ZNF142: variants seen among roughly 807,000 people sequenced by gnomAD.
ZNF142 encodes zinc finger protein 142, also known as zinc finger protein 142 (clone pHZ-49).
In ZNF142, 96 loss-of-function variants were observed where a neutral mutation model predicts 132.1. The observed-to-expected ratio is 0.73, with a 90% confidence interval of 0.62 to 0.86. The LOEUF (loss-of-function observed/expected upper bound fraction) is 0.86, where lower values mean the gene tolerates loss of function less well. Among genes scored for constraint, ZNF142 ranks in the 40% least tolerant of loss-of-function variants. The pLI, the probability that ZNF142 is intolerant of heterozygous loss-of-function variation, is 0.00. For synonymous variants in ZNF142, 842 were observed against 890.1 expected, an observed-to-expected ratio of 0.95 and a Z score of 0.96; for missense variants, 2,163 against 2,336.2, an observed-to-expected ratio of 0.93 and a Z score of 1.53.
Position 218,635,657 on chromosome 2 carries a change from T to G in ZNF142, c.*2682A>C. The G allele has an allele frequency of 8.0e-7, 1 of 1,247,414 alleles. No homozygotes were observed. The highest frequency in any genetic ancestry group is 1.5e-5 in the African/African-American group (1 of 65,988). The allele number at this position is 1,247,414 out of a possible 1,614,324, so 77.3% of individuals were successfully genotyped here. A position where few individuals can be genotyped will look rare whatever the true frequency, so the allele number is the denominator to read the frequency against. On this transcript the variant is annotated 3_prime_UTR_variant, in exon 11 of 11. Coordinates refer to ENST00000411696, the MANE Select transcript of ZNF142 (RefSeq NM_001379659.1). The stretch of plus-strand genomic sequence containing the variant: ...CTTTGGGTGCATTTTAAATTGCAGA[T>G]AGAATACTAGAAGAAAATATATTAC...
At position 218,648,896 on chromosome 2, in the gene ZNF142, TGTG is replaced by T. The variant is rs762207774; in HGVS notation, c.1609_1611del (p.His537del). On this transcript the variant is annotated inframe_deletion, in exon 7 of 11. Transcript: ENST00000411696. ...GGGCAGTGGAAGGCGTAGTGACTCT[TGTG>T]GTGGGCCTCCATGGCTTCGGCTGTG... 29 of 1,614,034 alleles carry T rather than the reference TGTG, an allele frequency of 1.8e-5. No homozygotes were observed. Among genetic ancestry groups the T allele is most frequent in the South Asian group, 1.1e-5 (1 of 91,088 alleles).
At position 218,643,778 on chromosome 2, in the gene ZNF142, G is replaced by A; in HGVS notation, c.3338C>T (p.Pro1113Leu). The A allele has an allele frequency of 2.5e-6, 4 of 1,611,508 alleles. No individual in the cohort carries two copies. In the East Asian group the frequency reaches 8.9e-5, roughly 36 times the overall value. Residue 1113 changes from proline to leucine, a missense_variant, in exon 9 of 11, where the codon CCA becomes CTA. By Grantham distance (98) the Pro-to-Leu change is moderately conservative. Transcript: ENST00000411696. ...TGTGTCCTCTGAGGCCTGGGTACCTGGGAGCACAGGTTGCAGAGGGATGGG... is the reference window on the plus strand; with the variant it reads ...TGTGTCCTCTGAGGCCTGGGTACCTAGGAGCACAGGTTGCAGAGGGATGGG... ...DSPIPLQPVL[P>L]GTQASEDTES...
Position 218,638,307 on chromosome 2 carries a change from C to CT in ZNF142, c.*31_*32insA. On this transcript the variant is annotated 3_prime_UTR_variant, in exon 11 of 11. Coordinates refer to ENST00000411696, the MANE Select transcript of ZNF142 (RefSeq NM_001379659.1). The stretch of plus-strand genomic sequence containing the variant: ...CCCAGTCTGCACATCTCAGACCATA[C>CT]CCTCTTCCTATACAGGAGGTGGGGC... 1 of 1,485,644 alleles carries CT rather than the reference C, an allele frequency of 6.7e-7. No homozygotes were observed. Among genetic ancestry groups the CT allele is most frequent in the Non-Finnish European group, 9.0e-7 (1 of 1,117,176 alleles). The allele number at this position is 1,485,644 out of a possible 1,614,324, so 92.0% of individuals were successfully genotyped here.
In ZNF142 at chr2:218,643,349, C is replaced by T. The variant is rs1296541538; in HGVS notation, c.3767G>A (p.Gly1256Glu). The T allele has an allele frequency of 1.2e-6, 2 of 1,614,090 alleles. No individual in the cohort carries two copies. Among genetic ancestry groups the T allele is most frequent in the African/African-American group, 1.3e-5 (1 of 74,950 alleles). The change falls in exon 9 of 11, where the codon GGA becomes GAA. Residue 1256 changes from glycine to glutamate, a missense_variant. By Grantham distance (98) the Gly-to-Glu change is moderately conservative. This residue lies in a region of ZNF142 where 809 missense variants were observed against 801.7 expected (regional missense o/e 1.01). Coordinates refer to ENST00000411696, the MANE Select transcript of ZNF142 (RefSeq NM_001379659.1). The stretch of plus-strand genomic sequence containing the variant: ...GGTCTGGGGGGTCCCTCGTTTTCCT[C>T]CCCCGCCACGTCCCCCCCTGCAGCC... The part of the protein sequence containing the change: ...AEGCRGGRGG[G>E]GKRGTPQTQP...
At chr2:218,647,318 G>A (rs969824897) in intron 7 of ZNF142, among the ~76,000 whole-genome samples, 1 of 149,640 alleles carries the variant, frequency 6.7e-6, no homozygotes, top group African/African-American at 2.5e-5. Context: ...AGCTACTCGG[G>A]AGGCTGAGGC....
At chr2:218,638,834 T>C (rs762269183) in intron 10 of ZNF142, 26 bp from the exon 11 acceptor site, 14 of 1,547,400 alleles carry the variant, frequency 9.0e-6, no homozygotes, top group South Asian at 3.6e-5. Context: ...CAAATCACCA[T>C]TGAAAGGCGG....
Position 218,651,747 on chromosome 2 carries a change from T to C in ZNF142, c.834A>G (p.Gly278=). Reference sequence around the variant, plus strand: ...GAAGGCCCTGAACGGCAGAAAGTTCTCCCTGTGTCCCAGCACCATGGCTCC... The same window carrying C: ...GAAGGCCCTGAACGGCAGAAAGTTCCCCCTGTGTCCCAGCACCATGGCTCC... ...HQRSHGAGTQ[G]ELSAVQGLPS... is the part of the protein sequence containing the mutation. Residue 278 remains glycine (G), a synonymous_variant, in exon 5 of 11, where the codon GGA becomes GGG. Transcript: ENST00000411696. 7.8e-7 allele frequency: 1 copy of C among 1,289,728 alleles called. No individual in the cohort carries two copies. The allele number at this position is 1,289,728 out of a possible 1,614,324, so 79.9% of individuals were successfully genotyped here.
At chr2:218,647,436 G>C (rs1335317118) in intron 7 of ZNF142, among the ~76,000 whole-genome samples, 33 of 13,566 alleles carry the variant, frequency 2.4e-3, no homozygotes, top group Non-Finnish European at 3.1e-3. Flanking sequence ...AAAAAAAAAA[G>C]CCTCCTCCCC....
Position 218,648,813 on chromosome 2 carries a change from G to A in ZNF142, c.1695C>T (p.Gly565=). 1 of 1,614,182 alleles carries A rather than the reference G, an allele frequency of 6.2e-7. No individual in the cohort carries two copies. The highest frequency in any genetic ancestry group is 8.5e-7 in the Non-Finnish European group (1 of 1,180,018). Reference sequence around the variant, plus strand: ...AGCGCAGCTCTTCACTGCCAGGGTGGCCCTGCTTCTTGTGTTTACGGAATA... The same window carrying A: ...AGCGCAGCTCTTCACTGCCAGGGTGACCCTGCTTCTTGTGTTTACGGAATA... ...KHLFRKHKKQ[G]HPGSEELRCT... Residue 565 remains glycine, a synonymous_variant, in exon 7 of 11, where the codon GGC becomes GGT. Transcript: ENST00000411696.
At chr2:218,645,200 A>C in intron 8 of ZNF142, 136 bp from the exon 9 acceptor site, 1 of 1,121,184 alleles carries the variant, frequency 8.9e-7, no homozygotes, top group Non-Finnish European at 1.2e-6. Flanking sequence ...CCTCCTTTTC[A>C]CTACCCTATG....
Position 218,643,384 on chromosome 2 carries a change from G to T in ZNF142, c.3732C>A (p.His1244Gln). 6.2e-7 allele frequency: 1 copy of T among 1,614,196 alleles called. No homozygotes were observed. The highest frequency in any genetic ancestry group is 1.6e-4 in the Middle Eastern group (1 of 6,062). ...GTCCCCCCCTGCAGCCTTCAGCCAC[G>T]TGAGAGGTAATAGAGGAGAGCCGGG... Reference protein sequence around the residue: ...LCSRLSSITSHVAEGCRGGRG... With the variant: ...LCSRLSSITSQVAEGCRGGRG... The change falls in exon 9 of 11, where the codon CAC becomes CAA. Residue 1244 changes from histidine to glutamine, a missense_variant. Coordinates refer to ENST00000411696, the MANE Select transcript of ZNF142 (RefSeq NM_001379659.1).
Position 218,645,066 on chromosome 2 carries a change from T to C in ZNF142, c.2052-2A>G. 6.2e-7 allele frequency: 1 copy of C among 1,604,218 alleles called. No homozygotes were observed. The highest frequency in any genetic ancestry group is 1.7e-5 in the Admixed American group (1 of 59,892). Reference sequence around the variant, plus strand: ...TAGGAGCACTGGTTGCACTGATACCTGGCAAGGAGGGAAAGGGGGAGGCAA... The same window carrying C: ...TAGGAGCACTGGTTGCACTGATACCCGGCAAGGAGGGAAAGGGGGAGGCAA... On this transcript the variant is annotated splice_acceptor_variant, in intron 8 of 10. Transcript: ENST00000411696. LOFTEE classifies it high-confidence loss of function.
At position 218,645,104 on chromosome 2, in the gene ZNF142, A is replaced by T. The variant is rs533854283; in HGVS notation, c.2052-40T>A. 1.7e-5 allele frequency: 27 copies of T among 1,590,390 alleles called. No individual in the cohort carries two copies. In the Admixed American group the frequency reaches 3.5e-4, roughly 21 times the overall value. The stretch of plus-strand genomic sequence containing the variant: ...AAGGGGGAGGCAATCACAATAATTA[A>T]TCACAACAACTAAGAATCAGTCAGT... On this transcript the variant is annotated intron_variant, in intron 8 of 10. Transcript: ENST00000411696.
At position 218,652,119 on chromosome 2, in the gene ZNF142, C is replaced by A; in HGVS notation, c.462G>T (p.Leu154=). 2.2e-6 allele frequency: 1 copy of A among 448,014 alleles called. No homozygotes were observed. Among genetic ancestry groups the A allele is most frequent in the South Asian group, 1.6e-5 (1 of 63,444 alleles). The allele number at this position is 448,014 out of a possible 1,614,324, so 27.8% of individuals were successfully genotyped here. The change falls in exon 5 of 11, where the codon CTG becomes CTT. Residue 154 remains leucine, a synonymous_variant. Transcript: ENST00000411696. ...GGCTAACTGGCGGGCTCTGGCCCTG[C>A]AGAGGGCCAGGGAGGGTTGGGTTGC... ...PPSNPTLPGP[L]QGQSPPVSPL... is the part of the protein sequence containing the mutation.
chr2:218,653,847 T>A (rs994236198), intron 4 of ZNF142, among the ~76,000 whole-genome samples: 4 of 152,056 alleles, frequency 2.6e-5, no homozygotes, highest in African/African-American at 9.7e-5. Flanking sequence ...ATAAAAATAA[T>A]TTTTTTGGCT....
At chr2:218,658,292 C>T (rs1257716528) in intron 3 of ZNF142, among the ~76,000 whole-genome samples, 1 of 152,182 alleles carries the variant, frequency 6.6e-6, no homozygotes, top group African/African-American at 2.4e-5. Flanking sequence ...GTAATCCCAG[C>T]ACTTTGGGAG....
chr2:218,634,582 C>T lies in ZNF142; in HGVS notation c.*3757G>A, dbSNP rs776849115. On this transcript the variant is annotated 3_prime_UTR_variant, in exon 11 of 11. Coordinates refer to ENST00000411696, the MANE Select transcript of ZNF142 (RefSeq NM_001379659.1). This position sits in a 1 kb window ranked among gnomAD's most constrained non-coding sequence, Gnocchi z 4.0. The stretch of plus-strand genomic sequence containing the variant: ...TGCGTGATATCCAGAGTTCTTTCCA[C>T]CCTGAGAAGCCCATCAGCCCTTTCA... The T allele has an allele frequency of 1.9e-6, 3 of 1,614,042 alleles. No homozygotes were observed. Among genetic ancestry groups the T allele is most frequent in the Non-Finnish European group, 8.5e-7 (1 of 1,179,902 alleles).
At position 218,638,818 on chromosome 2, in the gene ZNF142, A is replaced by G. The variant is rs1347322448; in HGVS notation, c.5195-10T>C. 2.5e-6 allele frequency: 4 copies of G among 1,578,222 alleles called. No homozygotes were observed. In the Admixed American group the frequency reaches 5.2e-5, roughly 20 times the overall value. On this transcript the variant is annotated splice_polypyrimidine_tract_variant and intron_variant, in intron 10 of 10. Coordinates refer to ENST00000411696, the MANE Select transcript of ZNF142 (RefSeq NM_001379659.1). Reference sequence around the variant, plus strand: ...TGGTATGGCTTCAGTCCTACAGGACAGGGAACAAATCACCATTGAAAGGCG... The same window carrying G: ...TGGTATGGCTTCAGTCCTACAGGACGGGGAACAAATCACCATTGAAAGGCG...
intron 7 of ZNF142, among the ~76,000 whole-genome samples, chr2:218,647,945 A>G (rs1282378488): frequency 6.6e-6 from 1 of 152,264 alleles, no homozygotes; most frequent in African/African-American, 2.4e-5. Context: ...TAAAGCATGT[A>G]CAGGAATGAG....
Sources: gnomAD v4.1 joint callset for allele counts (sites outside exome capture counted in the v4.1 genomes callset) on GRCh38, gnomAD v4.1.1 for gene constraint, gnomAD v4.1.1 regional missense constraint, Gnocchi (gnomAD v3.1) non-coding constraint, MANE v1.5 for transcripts, NCBI Gene and HGNC (gene_info 2026-07-23, HGNC 2026-07-21) for gene names.